The following C1QTNF3 variants were observed in gnomAD, a reference collection of about 807,000 sequenced individuals.
C1QTNF3 encodes complement C1q tumor necrosis factor-related protein 3.
C1QTNF3 carries 26 observed loss-of-function variants against 32.6 expected under a neutral mutation model. The observed-to-expected ratio is 0.80, with a 90% confidence interval of 0.58 to 1.11. The LOEUF (loss-of-function observed/expected upper bound fraction) is 1.11, where lower values mean the gene tolerates loss of function less well. C1QTNF3 is among the 50% of genes least tolerant of loss of function. C1QTNF3 has a pLI of 0.00. For missense variants in C1QTNF3, 362 were observed against 398.2 expected (o/e 0.91, Z 0.77); for synonymous variants, 155 against 146.0 (o/e 1.06, Z -0.44).
chr5:34,041,642 T>G (rs966986482), intron 1 of C1QTNF3, among the ~76,000 whole-genome samples: 1 of 152,196 alleles, frequency 6.6e-6, no homozygotes, highest in African/African-American at 2.4e-5. Flanking sequence ...AAAGTGGTTT[T>G]CAAAAGATAG....
In C1QTNF3 at chr5:34,018,360, G is replaced by A. The variant is rs840392; in HGVS notation, c.*2223C>T. ...TTTCTTATGCTCTCAGCTAGATACT[G>A]TTTCTCTCTCCTGTGAATTCCTAGC... On this transcript the variant is annotated 3_prime_UTR_variant, in exon 6 of 6. Transcript: ENST00000382065. Among the ~76,000 whole-genome samples, 5 of 152,252 alleles carry A rather than the reference G, an allele frequency of 3.3e-5. No homozygotes were observed. In the East Asian group the frequency reaches 7.7e-4, roughly 23 times the overall value.
the C1QTNF3 span, among the ~76,000 whole-genome samples, chr5:34,050,532 C>T: frequency 7.7e-4 from 118 of 152,272 alleles, no homozygotes; most frequent in African/African-American, 2.6e-3. Flanking sequence ...TTCTGATTAA[C>T]ACCTGTCCTG....
the C1QTNF3 span, among the ~76,000 whole-genome samples, chr5:34,238,390 C>T: frequency 1.3e-5 from 2 of 152,128 alleles, no homozygotes; most frequent in Non-Finnish European, 2.9e-5. Flanking sequence ...TCCAGTAAAG[C>T]AATCTAAGTA....
At chr5:34,186,422 A>C in the C1QTNF3 span, among the ~76,000 whole-genome samples, 1 of 152,252 alleles carries the variant, frequency 6.6e-6, no homozygotes, top group Non-Finnish European at 1.5e-5. Flanking sequence ...AATATACATT[A>C]ATCTTAAAAT....
chr5:34,158,203 T>A, the C1QTNF3 span: 1 of 149,432 alleles, frequency 6.7e-6, no homozygotes, highest in South Asian at 2.1e-4. Context: ...CCCTCCCGGG[T>A]TCAAGCAATT....
At chr5:34,103,904 T>C in the C1QTNF3 span, among the ~76,000 whole-genome samples, 6 of 152,116 alleles carry the variant, frequency 3.9e-5, no homozygotes, top group Non-Finnish European at 8.8e-5. Flanking sequence ...TGCATAGAGA[T>C]TACGTTATTT....
chr5:34,069,066 A>T, the C1QTNF3 span, among the ~76,000 whole-genome samples: 1 of 145,638 alleles, frequency 6.9e-6, no homozygotes, highest in Non-Finnish European at 1.5e-5. Flanking sequence ...CTTGTTGCAA[A>T]TCTGCTTCCT....
At chr5:34,113,065 A>G in the C1QTNF3 span, among the ~76,000 whole-genome samples, 3 of 149,244 alleles carry the variant, frequency 2.0e-5, no homozygotes, top group African/African-American at 7.3e-5. Context: ...CTTCTGTTAT[A>G]TAAGAGATAA....
At chr5:34,076,685 T>C in the C1QTNF3 span, among the ~76,000 whole-genome samples, 3 of 151,690 alleles carry the variant, frequency 2.0e-5, no homozygotes, top group Non-Finnish European at 4.4e-5. Flanking sequence ...GAACTCATCA[T>C]TTCAGGATCA....
chr5:34,052,378 T>A, the C1QTNF3 span, among the ~76,000 whole-genome samples: 22 of 152,330 alleles, frequency 1.4e-4, no homozygotes, highest in African/African-American at 2.9e-4. Context: ...CACTAGATCA[T>A]CTATACCATA....
At chr5:34,240,902 G>T in the C1QTNF3 span, among the ~76,000 whole-genome samples, 25 of 152,152 alleles carry the variant, frequency 1.6e-4, no homozygotes, top group African/African-American at 5.8e-4. Flanking sequence ...CATCAGCAGC[G>T]TATCAAAAAA....
the C1QTNF3 span, among the ~76,000 whole-genome samples, chr5:34,226,476 T>C: frequency 9.1e-3 from 1,384 of 151,950 alleles, 22 homozygotes; most frequent in African/African-American, 0.031. Context: ...TTTTAATTCC[T>C]TCATCAAACA....
chr5:34,155,382 G>A, the C1QTNF3 span, among the ~76,000 whole-genome samples: 1 of 152,154 alleles, frequency 6.6e-6, no homozygotes, highest in African/African-American at 2.4e-5. Context: ...AAACGATGTT[G>A]CCAAGTACCT....
the C1QTNF3 span, among the ~76,000 whole-genome samples, chr5:34,156,208 T>C: frequency 6.6e-6 from 1 of 152,142 alleles, no homozygotes; most frequent in Non-Finnish European, 1.5e-5. Flanking sequence ...GTGGCTGGGA[T>C]TACAGGCGCC....
At chr5:34,225,470 CTTT>C in the C1QTNF3 span, among the ~76,000 whole-genome samples, 13 of 151,922 alleles carry the variant, frequency 8.6e-5, no homozygotes, top group Non-Finnish European at 1.9e-4. Flanking sequence ...TAAATTCCTT[CTTT>C]GTTTATAATA....
chr5:34,210,779 T>A, the C1QTNF3 span, among the ~76,000 whole-genome samples: 1 of 152,094 alleles, frequency 6.6e-6, no homozygotes, highest in Non-Finnish European at 1.5e-5. Context: ...TATATAGCTG[T>A]CCCTAAAACA....
At chr5:34,136,721 T>C in the C1QTNF3 span, among the ~76,000 whole-genome samples, 3 of 152,200 alleles carry the variant, frequency 2.0e-5, no homozygotes, top group Non-Finnish European at 4.4e-5. Flanking sequence ...GCAACACTAT[T>C]CACAATAGCA....
the C1QTNF3 span, among the ~76,000 whole-genome samples, chr5:34,241,951 G>GGGAAGGAAGGAA: frequency 3.8e-3 from 342 of 90,156 alleles, 3 homozygotes; most frequent in East Asian, 8.2e-3. Flanking sequence ...AAGGGAGGGA[G>GGGAAGGAAGGAA]GGAAGGAAGG....
chr5:34,224,255 C>T, the C1QTNF3 span, among the ~76,000 whole-genome samples: 1 of 152,090 alleles, frequency 6.6e-6, no homozygotes, highest in Admixed American at 6.6e-5. Flanking sequence ...CAATGCCATC[C>T]CCATCAAGCT....
Sources: allele counts gnomAD v4.1 joint callset (sites outside exome capture counted in the v4.1 genomes callset), GRCh38; gene constraint gnomAD v4.1.1; transcripts MANE v1.5; gene names NCBI Gene and HGNC (gene_info 2026-07-23, HGNC 2026-07-21).